The following SPPL3 variants were observed in gnomAD, a reference collection of about 807,000 sequenced individuals.
SPPL3 encodes the protein signal peptide peptidase-like 3.
Under a neutral mutation model 42.4 loss-of-function variants are expected in SPPL3, and 5 were observed. The ratio of observed to expected loss-of-function variants is 0.12; its 90% CI spans 0.06 to 0.25. SPPL3 has a LOEUF of 0.25. Among genes scored for constraint, SPPL3 ranks in the 10% least tolerant of loss-of-function variants. SPPL3 has a pLI of 1.00. For missense variants in SPPL3, 235 were observed against 489.0 expected, an observed-to-expected ratio of 0.48 and a Z score of 4.90; for synonymous variants, 195 against 181.8, an observed-to-expected ratio of 1.07 and a Z score of -0.58.
chr12:120,853,035 C>T (rs896172775), intron 1 of SPPL3, among the ~76,000 whole-genome samples: 8 of 151,722 alleles, frequency 5.3e-5, no homozygotes, highest in East Asian at 1.9e-4. Flanking sequence ...GCTGGGATTA[C>T]AGGCACCCGC....
At chr12:120,828,525 G>A (rs765667776) in intron 1 of SPPL3, among the ~76,000 whole-genome samples, 3 of 152,128 alleles carry the variant, frequency 2.0e-5, no homozygotes. Flanking sequence ...GAAATCCATC[G>A]GCTAGTTCCA....
At chr12:120,814,395 T>G (rs1238812476) in intron 1 of SPPL3, among the ~76,000 whole-genome samples, 1 of 152,216 alleles carries the variant, frequency 6.6e-6, no homozygotes, top group African/African-American at 2.4e-5. Context: ...CAGCTGTGGC[T>G]GTCCAGGGTC....
intron 2 of SPPL3, among the ~76,000 whole-genome samples, chr12:120,806,139 C>T (rs1356495905): frequency 6.6e-6 from 1 of 151,232 alleles, no homozygotes; most frequent in Non-Finnish European, 1.5e-5. Flanking sequence ...AACATTGGCA[C>T]TGGCATAAGA....
At chr12:120,871,272 C>T (rs934470963) in intron 1 of SPPL3, among the ~76,000 whole-genome samples, 1 of 151,386 alleles carries the variant, frequency 6.6e-6, no homozygotes, top group African/African-American at 2.4e-5. Flanking sequence ...ATACATTTTA[C>T]CACAGTTTTT....
intron 1 of SPPL3, among the ~76,000 whole-genome samples, chr12:120,848,082 CAAGT>C (rs1872103285): frequency 6.6e-6 from 1 of 152,280 alleles, no homozygotes; most frequent in South Asian, 2.1e-4. Context: ...TGCATGTGCA[CAAGT>C]AAGAGCAGAT....
At chr12:120,899,786 G>A (rs967590432) in intron 1 of SPPL3, among the ~76,000 whole-genome samples, 12 of 150,936 alleles carry the variant, frequency 8.0e-5, no homozygotes, top group African/African-American at 2.9e-4. Context: ...CCAGCTACTC[G>A]GGAGGCTGAG....
intron 1 of SPPL3, among the ~76,000 whole-genome samples, chr12:120,858,969 CTTAT>C: frequency 6.6e-6 from 1 of 152,246 alleles, no homozygotes; most frequent in Non-Finnish European, 1.5e-5. Flanking sequence ...TCAGTATTTA[CTTAT>C]TTAGTCACTC....
intron 1 of SPPL3, among the ~76,000 whole-genome samples, chr12:120,818,093 G>A (rs1870940261): frequency 6.6e-6 from 1 of 152,168 alleles, no homozygotes; most frequent in Admixed American, 6.5e-5. Context: ...AGCATCAACA[G>A]AAATGTGTCA....
At chr12:120,832,386 T>A (rs1566055072) in intron 1 of SPPL3, among the ~76,000 whole-genome samples, 2 of 151,992 alleles carry the variant, frequency 1.3e-5, no homozygotes, top group Non-Finnish European at 2.9e-5. Context: ...AATGAGCTAT[T>A]TGGGGCCAGG....
intron 2 of SPPL3, among the ~76,000 whole-genome samples, chr12:120,802,431 A>ATATAT (rs1312190815): frequency 1.5e-4 from 16 of 105,110 alleles, no homozygotes; most frequent in East Asian, 5.2e-4. Flanking sequence ...ATATATATAT[A>ATATAT]TTTTTTTTTT....
intron 1 of SPPL3, among the ~76,000 whole-genome samples, chr12:120,871,533 A>G (rs1872931699): frequency 6.6e-6 from 1 of 152,148 alleles, no homozygotes; most frequent in African/African-American, 2.4e-5. Context: ...TGAGTGGATC[A>G]TTTGAGGTCA....
chr12:120,894,810 G>A (rs1000582847), intron 1 of SPPL3, among the ~76,000 whole-genome samples: 7 of 152,138 alleles, frequency 4.6e-5, no homozygotes, highest in South Asian at 4.1e-4. Flanking sequence ...AGCTGGGTGC[G>A]GTGGCGCATG....
chr12:120,791,791 ACTC>A, intron 2 of SPPL3: 1 of 450,624 alleles, frequency 2.2e-6, no homozygotes, highest in Non-Finnish European at 3.9e-6. Context: ...TGAATCTTCC[ACTC>A]CTATCTCTGA....
chr12:120,839,692 A>G (rs924641759), intron 1 of SPPL3, among the ~76,000 whole-genome samples: 6 of 152,186 alleles, frequency 3.9e-5, no homozygotes, highest in African/African-American at 1.4e-4. Flanking sequence ...CTAGTCAACA[A>G]CTATATTAGG....
chr12:120,866,235 C>A (rs1011960988), intron 1 of SPPL3, among the ~76,000 whole-genome samples: 9 of 152,218 alleles, frequency 5.9e-5, no homozygotes, highest in Admixed American at 5.9e-4. Flanking sequence ...GAAAAACTGT[C>A]TTCCACAAAA....
intron 1 of SPPL3, among the ~76,000 whole-genome samples, chr12:120,860,923 A>C (rs1872600627): frequency 1.3e-5 from 2 of 152,144 alleles, no homozygotes; most frequent in Admixed American, 1.3e-4. Flanking sequence ...AGTCCCTTAT[A>C]AAACAGTGTA....
chr12:120,870,235 C>T (rs1347677467), intron 1 of SPPL3, among the ~76,000 whole-genome samples: 1 of 152,106 alleles, frequency 6.6e-6, no homozygotes, highest in Non-Finnish European at 1.5e-5. Context: ...CACCTGAGGT[C>T]AGGAGTTTGA....
chr12:120,837,393 GGCA>G (rs1193120518), intron 1 of SPPL3, among the ~76,000 whole-genome samples: 1 of 152,102 alleles, frequency 6.6e-6, no homozygotes, highest in African/African-American at 2.4e-5. Flanking sequence ...TTTTATAACT[GGCA>G]GCATTTTTTT....
chr12:120,806,372 G>GAC (rs1422522668), intron 2 of SPPL3, among the ~76,000 whole-genome samples: 2 of 151,720 alleles, frequency 1.3e-5, no homozygotes, highest in Admixed American at 6.6e-5. Context: ...ATGCATTTTT[G>GAC]ACAACGGTGC....
Sources: allele counts gnomAD v4.1 joint callset (sites outside exome capture counted in the v4.1 genomes callset), GRCh38; gene constraint gnomAD v4.1.1; transcripts MANE v1.5; gene names NCBI Gene and HGNC (gene_info 2026-07-23, HGNC 2026-07-21).